The following PAK3 variants were observed in gnomAD, a reference collection of about 807,000 sequenced individuals.
PAK3 encodes p21 (RAC1) activated kinase 3, also known as serine/threonine-protein kinase PAK 3.
A neutral mutation model predicts 41.0 loss-of-function variants in PAK3; 4 were observed. That is an observed-to-expected ratio of 0.10 (90% confidence interval 0.05 to 0.22). PAK3 has a LOEUF of 0.22. Among genes scored for constraint, PAK3 ranks in the 10% least tolerant of loss-of-function variants. The pLI, the probability that PAK3 is intolerant of heterozygous loss-of-function variation, is 1.00. For missense variants in PAK3, 205 were observed against 409.9 expected, an observed-to-expected ratio of 0.50 and a Z score of 4.32; for synonymous variants, 146 against 139.6, an observed-to-expected ratio of 1.05 and a Z score of -0.32.
rs758912089 is a variant in PAK3 at position 111,193,348 on chromosome X, CTT to C, written c.992+751_992+752del. ...AAAAAGAGGGTTAAATTTTACAGTCCTTTTTTTTTTTTTTTTTTTTTTACAGA... is the reference window on the plus strand; with the variant it reads ...AAAAAGAGGGTTAAATTTTACAGTCCTTTTTTTTTTTTTTTTTTTTACAGA... On this transcript the variant is annotated intron_variant, in intron 13 of 17. Coordinates refer to ENST00000372007, the MANE Select transcript of PAK3 (RefSeq NM_002578.5). Among the ~76,000 whole-genome samples, 606 of 86,182 alleles carry C rather than the reference CTT, an allele frequency of 7.0e-3. 7 individuals carry two copies. Among genetic ancestry groups the C allele is most frequent in the African/African-American group, 0.027 (573 of 20,909 alleles). 74.8% of individuals were successfully genotyped at this position (86,182 alleles called of 115,157 possible).
rs893672833 is a variant in PAK3 at position 111,018,059 on chromosome X, C to T, written c.-28+73431C>T. Among the ~76,000 whole-genome samples the T allele has an allele frequency of 2.7e-5, 3 of 110,798 alleles. No individual in the cohort carries two copies. The Admixed American group carries it at 2.9e-4, about 11-fold the overall frequency. Reference sequence around the variant, plus strand: ...CTTTTTGTGATTTTTAAAAAGAACTCAATAAACTAAAAATAGAAGAAAACT... The same window carrying T: ...CTTTTTGTGATTTTTAAAAAGAACTTAATAAACTAAAAATAGAAGAAAACT... On this transcript the variant is annotated intron_variant, in intron 1 of 14. Coordinates refer to the PAK3 transcript ENST00000425146.
Position 111,147,726 on chromosome X carries a change from G to A in PAK3, c.277-11G>A, listed in dbSNP as rs1252603343. On this transcript the variant is annotated splice_polypyrimidine_tract_variant and intron_variant, in intron 6 of 17. Coordinates refer to ENST00000372007, the MANE Select transcript of PAK3 (RefSeq NM_002578.5). ...TCTGAGCTACCATTCTTTCCCTTTG[G>A]TTGTCCACAGGGAATTCCAGAGCAA... is the stretch of plus-strand genomic sequence containing the variant. 6 of 1,174,129 alleles carry A rather than the reference G, an allele frequency of 5.1e-6. No individual in the cohort carries two copies. Among genetic ancestry groups the A allele is most frequent in the Non-Finnish European group, 7.0e-6 (6 of 862,575 alleles).
intron 5 of PAK3, among the ~76,000 whole-genome samples, chrX:111,133,075 G>A (rs1227189187): frequency 1.8e-5 from 2 of 111,694 alleles, no homozygotes; most frequent in Non-Finnish European, 3.8e-5. Flanking sequence ...GCAGCACACA[G>A]CTATCTAGCT....
At chrX:111,085,199 A>G (rs2092871789) in intron 1 of PAK3, among the ~76,000 whole-genome samples, 1 of 112,035 alleles carries the variant, frequency 8.9e-6, no homozygotes, top group African/African-American at 3.2e-5. Context: ...TAGCCAATCA[A>G]AATTCCCAAG....
intron 7 of PAK3, among the ~76,000 whole-genome samples, chrX:111,149,347 G>A (rs941882236): frequency 9.6e-4 from 107 of 111,674 alleles, no homozygotes; most frequent in African/African-American, 3.3e-3. Flanking sequence ...TACCATTCTG[G>A]GATCTGGAGG....
intron 1 of PAK3, among the ~76,000 whole-genome samples, chrX:111,010,430 G>A (rs763091726): frequency 9.0e-6 from 1 of 111,552 alleles, no homozygotes; most frequent in Admixed American, 9.5e-5. Flanking sequence ...TAGCTGATAT[G>A]GTTTGGATCT....
In PAK3 at chrX:111,224,850, T is replaced by C. The variant is rs1319099135; in HGVS notation, c.*4403T>C. On this transcript the variant is annotated 3_prime_UTR_variant, in exon 18 of 18. Transcript: ENST00000372007. The stretch of plus-strand genomic sequence containing the variant: ...ACCTAGAGAAGTCACTGGCTTTTTA[T>C]TGGTCATTCTCAATACAGAAATACT... 8.9e-6 allele frequency: 1 copy of C among 112,441 alleles called. No homozygotes were observed. The highest frequency in any genetic ancestry group is 1.9e-5 in the Non-Finnish European group (1 of 53,310). The allele number at this position is 112,441 out of a possible 1,213,427, so 9.3% of individuals were successfully genotyped here. A position where few individuals can be genotyped will look rare whatever the true frequency, so the allele number is the denominator to read the frequency against.
At chrX:110,992,906 T>C (rs927865078) in intron 1 of PAK3, among the ~76,000 whole-genome samples, 1 of 111,988 alleles carries the variant, frequency 8.9e-6, no homozygotes, top group Non-Finnish European at 1.9e-5. Flanking sequence ...ATATCTTATA[T>C]ATCCCCCAAC....
chrX:111,211,918 G>T (rs1371439502), intron 16 of PAK3, among the ~76,000 whole-genome samples: 4 of 111,071 alleles, frequency 3.6e-5, no homozygotes, highest in Non-Finnish European at 5.7e-5. Context: ...GAATAAAAAA[G>T]CTTGAATAAT....
At chrX:111,002,829 G>A (rs1473457338) in intron 1 of PAK3, among the ~76,000 whole-genome samples, 4 of 111,075 alleles carry the variant, frequency 3.6e-5, no homozygotes, top group Admixed American at 9.6e-5. Flanking sequence ...TTAGCCCCTC[G>A]CATTCAGTGG....
intron 1 of PAK3, among the ~76,000 whole-genome samples, chrX:110,955,564 C>T (rs765090356): frequency 1.4e-3 from 151 of 111,471 alleles, no homozygotes; most frequent in Non-Finnish European, 2.4e-3. Flanking sequence ...CTTAAGCCCA[C>T]GAGTTTGAGG....
intron 10 of PAK3, among the ~76,000 whole-genome samples, chrX:111,168,082 T>A (rs138504191): frequency 0.15 from 16,162 of 110,854 alleles, 2,461 homozygotes; most frequent in African/African-American, 0.46. Flanking sequence ...TTAGAGAATC[T>A]TTTTACTTTT....
intron 1 of PAK3, among the ~76,000 whole-genome samples, chrX:111,077,186 A>G (rs1248474352): frequency 8.9e-6 from 1 of 112,219 alleles, no homozygotes; most frequent in Non-Finnish European, 1.9e-5. Flanking sequence ...AAGATGTTCC[A>G]TATACATGGA....
intron 1 of PAK3, among the ~76,000 whole-genome samples, chrX:110,966,812 T>C (rs2091091781): frequency 8.9e-6 from 1 of 111,763 alleles, no homozygotes; most frequent in East Asian, 2.8e-4. Flanking sequence ...TTAAATTTTC[T>C]GTAATTTTTC....
intron 1 of PAK3, among the ~76,000 whole-genome samples, chrX:110,969,176 G>A (rs976237120): frequency 1.4e-4 from 12 of 86,255 alleles, no homozygotes; most frequent in Admixed American, 4.8e-4. Flanking sequence ...TCAAACTCCC[G>A]ACCTCAGGTG....
chrX:111,148,604 G>A (rs1225893782), intron 7 of PAK3, among the ~76,000 whole-genome samples: 1 of 111,306 alleles, frequency 9.0e-6, no homozygotes, highest in Non-Finnish European at 1.9e-5. Context: ...GAAGTGAAAA[G>A]CACTTCTTAC....
chrX:111,085,882 C>T (rs772665878), intron 1 of PAK3, among the ~76,000 whole-genome samples: 4 of 112,012 alleles, frequency 3.6e-5, no homozygotes, highest in Admixed American at 9.4e-5. Flanking sequence ...AGGAAGGAAA[C>T]GGGCAGTGAC....
intron 4 of PAK3, among the ~76,000 whole-genome samples, chrX:111,110,412 A>G (rs778932469): frequency 1.8e-5 from 2 of 112,064 alleles, no homozygotes; most frequent in Non-Finnish European, 3.8e-5. Context: ...TTTGGGGGCT[A>G]CAGTTAGCAA....
chrX:111,038,363 A>G (rs1351775659), intron 1 of PAK3, among the ~76,000 whole-genome samples: 7 of 111,835 alleles, frequency 6.3e-5, no homozygotes, highest in African/African-American at 2.3e-4. Context: ...CTTTGACAGT[A>G]AGTGTCCTGC....
Sources: gnomAD v4.1 joint callset for allele counts (sites outside exome capture counted in the v4.1 genomes callset) on GRCh38, gnomAD v4.1.1 for gene constraint, MANE v1.5 for transcripts, NCBI Gene and HGNC (gene_info 2026-07-23, HGNC 2026-07-21) for gene names.